HIVEP3: variants seen among roughly 807,000 people sequenced by gnomAD.
HIVEP3 encodes the protein HIVEP zinc finger 3.
Under a neutral mutation model 152.8 loss-of-function variants are expected in HIVEP3, and 49 were observed. The observed-to-expected ratio is 0.32, with a 90% CI of 0.26 to 0.41. HIVEP3 has a LOEUF of 0.41. Ranked by LOEUF, HIVEP3 falls within the 10% of genes least tolerant of loss-of-function variation. The pLI, the probability that HIVEP3 is intolerant of heterozygous loss-of-function variation, is 1.00. For synonymous variants in HIVEP3, 1,269 were observed against 1,289.0 expected, an observed-to-expected ratio of 0.98 and a Z score of 0.33; for missense variants, 2,790 against 3,103.3, an observed-to-expected ratio of 0.90 and a Z score of 2.40.
rs77613702 is a variant in HIVEP3 at position 41,756,910 on chromosome 1, C to T, written c.-800-55915G>A. 8.4e-3 allele frequency among the ~76,000 whole-genome samples: 1,273 copies of T among 152,116 alleles called. 9 individuals carry two copies. Among genetic ancestry groups the T allele is most frequent in the Middle Eastern group, 0.017 (5 of 292 alleles). ...TGAATAAACAAATAATATACACACA[C>T]ATTTGCAAAGTCTAGAAAGTTATTC... On this transcript the variant is annotated intron_variant, in intron 1 of 8. Coordinates refer to ENST00000372583, the MANE Select transcript of HIVEP3 (RefSeq NM_024503.5).
At chr1:41,712,838 C>T (rs1046523928) in intron 1 of HIVEP3, among the ~76,000 whole-genome samples, 2 of 152,224 alleles carry the variant, frequency 1.3e-5, no homozygotes, top group Non-Finnish European at 2.9e-5. Context: ...AGGCCAAAGC[C>T]ACCAGGCCTT....
intron 1 of HIVEP3, among the ~76,000 whole-genome samples, chr1:41,937,471 T>A (rs1645025460): frequency 2.0e-5 from 3 of 152,138 alleles, no homozygotes. Context: ...ACCTGCACTA[T>A]CCAAAATGGT....
At chr1:41,914,374 A>C (rs1343568667) in intron 1 of HIVEP3, among the ~76,000 whole-genome samples, 1 of 152,224 alleles carries the variant, frequency 6.6e-6, no homozygotes, top group South Asian at 2.1e-4. Context: ...ATAACCTGTT[A>C]CTGACAGTTT....
intron 6 of HIVEP3, among the ~76,000 whole-genome samples, chr1:41,520,741 T>C (rs957507311): frequency 1.3e-5 from 2 of 152,240 alleles, no homozygotes; most frequent in Non-Finnish European, 2.9e-5. Context: ...TAGCCATGTA[T>C]GGGAAATGCC....
intron 2 of HIVEP3, among the ~76,000 whole-genome samples, chr1:41,633,755 A>G (rs1645230037): frequency 1.3e-5 from 2 of 152,042 alleles, no homozygotes; most frequent in African/African-American, 4.8e-5. Flanking sequence ...CCAAGCCCCC[A>G]CATTGACACA....
intron 1 of HIVEP3, among the ~76,000 whole-genome samples, chr1:42,035,020 C>T (rs2124543064): frequency 6.6e-6 from 1 of 152,266 alleles, no homozygotes; most frequent in Middle Eastern, 3.4e-3. Context: ...TAAAGAGTTG[C>T]CAGACTGAAG....
At chr1:41,893,593 C>T (rs1644481220) in intron 1 of HIVEP3, among the ~76,000 whole-genome samples, 1 of 152,004 alleles carries the variant, frequency 6.6e-6, no homozygotes, top group South Asian at 2.1e-4. Context: ...AGAAACCCTG[C>T]TCTAGAGCCT....
intron 2 of HIVEP3, among the ~76,000 whole-genome samples, chr1:41,672,495 G>A (rs563050555): frequency 6.6e-6 from 1 of 152,344 alleles, no homozygotes; most frequent in South Asian, 2.1e-4. Flanking sequence ...CTTTCTGTTT[G>A]TGGGCGGCAA....
intron 1 of HIVEP3, among the ~76,000 whole-genome samples, chr1:41,753,240 T>A (rs1329456505): frequency 6.6e-6 from 1 of 152,198 alleles, no homozygotes; most frequent in East Asian, 1.9e-4. Context: ...GTCAAAAGTG[T>A]TTTTTTAATG....
chr1:41,593,418 C>G (rs745634855), intron 3 of HIVEP3, among the ~76,000 whole-genome samples: 19 of 152,336 alleles, frequency 1.2e-4, no homozygotes, highest in Admixed American at 3.3e-4. Flanking sequence ...CAAACTCAGC[C>G]AGTCCCTTAC....
At chr1:41,917,349 G>A (rs944935591) in intron 1 of HIVEP3, among the ~76,000 whole-genome samples, 1 of 152,074 alleles carries the variant, frequency 6.6e-6, no homozygotes, top group Admixed American at 6.5e-5. Context: ...CAAAACCGAA[G>A]CACTCCAGGT....
rs547377843 is a variant in HIVEP3 at position 41,583,063 on chromosome 1, C to T, written c.1735G>A (p.Val579Met). 2.6e-5 allele frequency: 42 copies of T among 1,613,836 alleles called. No individual in the cohort carries two copies. Among genetic ancestry groups the T allele is most frequent in the East Asian group, 6.7e-5 (3 of 44,854 alleles). Reference protein sequence around the residue: ...DSEALSHSSHVFTSHPRMLKR... With the variant: ...DSEALSHSSHMFTSHPRMLKR... ...AGCATCCGGGGGTGGGAGGTAAACA[C>T]GTGACTGCTGTGGCTCAGGGCTTCG... The change falls in exon 4 of 9, where the codon GTG (valine) becomes ATG (methionine). Residue 579 changes from valine to methionine, a missense_variant. Val to Met is a conservative substitution (Grantham distance 21, BLOSUM62 1). Coordinates refer to ENST00000372583, the MANE Select transcript of HIVEP3 (RefSeq NM_024503.5). This position sits in a 1 kb window ranked among gnomAD's most constrained non-coding sequence, Gnocchi z 6.9.
intron 2 of HIVEP3, 124 bp downstream of exon 2, chr1:41,700,792 G>A: frequency 4.2e-6 from 1 of 239,586 alleles, no homozygotes; most frequent in Non-Finnish European, 6.8e-6. Context: ...AGCGTGTGGG[G>A]CTCCATTCTC....
intron 1 of HIVEP3, among the ~76,000 whole-genome samples, chr1:41,806,217 C>A (rs555849229): frequency 1.3e-5 from 2 of 152,272 alleles, no homozygotes; most frequent in Admixed American, 6.5e-5. Flanking sequence ...CCAGCAGCCA[C>A]CCCCCAGGGC....
chr1:41,973,046 G>GCACACACACACACA (rs61424124), intron 1 of HIVEP3, among the ~76,000 whole-genome samples: 2 of 147,120 alleles, frequency 1.4e-5, no homozygotes, highest in South Asian at 4.3e-4. Context: ...ACATGTGCGT[G>GCACACACACACACA]CACACACACA....
At position 41,583,212 on chromosome 1, in the gene HIVEP3, G is replaced by T. The variant is rs1644446360; in HGVS notation, c.1586C>A (p.Pro529His). The T allele has an allele frequency of 8.7e-6, 14 of 1,611,366 alleles. No individual in the cohort carries two copies. The highest frequency in any genetic ancestry group is 1.2e-5 in the Non-Finnish European group (14 of 1,178,694). Residue 529 changes from proline to histidine, a missense_variant, in exon 4 of 9, where the codon CCC becomes CAC. This residue lies in a region of HIVEP3 where 339 missense variants were observed against 327.0 expected (regional missense o/e 1.04). Coordinates refer to ENST00000372583, the MANE Select transcript of HIVEP3 (RefSeq NM_024503.5). The surrounding 1 kb of genome is among the most constrained non-coding windows in gnomAD (Gnocchi z 6.9). ...GAGAGGCACAGGGGGGGCGGTACTG[G>T]GCGGGTGCTGGAGGCTCAGCAGTGA... is the stretch of plus-strand genomic sequence containing the variant. Reference protein sequence around the residue: ...EQSLLSLQHPPSTAPPVPLLR... With the variant: ...EQSLLSLQHPHSTAPPVPLLR...
intron 1 of HIVEP3, among the ~76,000 whole-genome samples, chr1:41,830,611 CAGGG>C (rs1472555628): frequency 2.0e-5 from 3 of 152,230 alleles, no homozygotes; most frequent in Non-Finnish European, 4.4e-5. Context: ...ATCACTCGCA[CAGGG>C]ACAAAGACCT....
intron 1 of HIVEP3, among the ~76,000 whole-genome samples, chr1:41,962,963 G>C (rs1355788468): frequency 6.6e-6 from 1 of 152,214 alleles, no homozygotes; most frequent in South Asian, 2.1e-4. Flanking sequence ...CTAGATGCCA[G>C]TAACACCTTC....
intron 1 of HIVEP3, among the ~76,000 whole-genome samples, chr1:41,767,428 G>A (rs141017918): frequency 0.015 from 2,225 of 152,284 alleles, 25 homozygotes; most frequent in Non-Finnish European, 0.018. Flanking sequence ...ATGCACAGAG[G>A]CAGAGGTGTG....
Sources: gnomAD v4.1 joint callset for allele counts (sites outside exome capture counted in the v4.1 genomes callset) on GRCh38, gnomAD v4.1.1 for gene constraint, gnomAD v4.1.1 regional missense constraint, Gnocchi (gnomAD v3.1) non-coding constraint, MANE v1.5 for transcripts, NCBI Gene and HGNC (gene_info 2026-07-23, HGNC 2026-07-21) for gene names.